The following NDUFV2 variants were observed in gnomAD, a reference collection of about 807,000 sequenced individuals.
NDUFV2 encodes NADH dehydrogenase [ubiquinone] flavoprotein 2, mitochondrial.
Under a neutral mutation model 31.6 loss-of-function variants are expected in NDUFV2, and 18 were observed. That is an observed-to-expected ratio of 0.57 (90% CI 0.39 to 0.84). The LOEUF (loss-of-function observed/expected upper bound fraction) is 0.84. Ranked by LOEUF, NDUFV2 falls within the 40% of genes least tolerant of loss-of-function variation. The pLI is 0.00. For synonymous variants in NDUFV2, 83 were observed against 99.8 expected (o/e 0.83, Z 1.01); for missense variants, 314 against 303.6 (o/e 1.03, Z -0.26).
rs1334804222 is a variant in NDUFV2 at position 9,119,579 on chromosome 18, G to A, written c.289G>A (p.Ala97Thr). 2 of 1,611,636 alleles carry A rather than the reference G, an allele frequency of 1.2e-6. No homozygotes were observed. Among genetic ancestry groups the A allele is most frequent in the Admixed American group, 3.3e-5 (2 of 59,992 alleles). Residue 97 changes from alanine (A) to threonine (T), a missense_variant, in exon 4 of 8, where the codon GCT (alanine) becomes ACT (threonine). Physicochemically the swap from Ala to Thr is moderately conservative, Grantham distance 58 (BLOSUM62 0). Coordinates refer to ENST00000318388, the MANE Select transcript of NDUFV2 (RefSeq NM_021074.5). ...GCAGAATGGGTGGTTGCCCATCTCT[G>A]CTATGAACAAGGTACTGGATTCATT... is the stretch of plus-strand genomic sequence containing the variant. ...QRQNGWLPIS[A>T]MNKVAEVLQV...
intron 7 of NDUFV2, among the ~76,000 whole-genome samples, chr18:9,129,342 C>T (rs901356063): frequency 3.9e-5 from 6 of 152,146 alleles, no homozygotes; most frequent in African/African-American, 1.4e-4. Context: ...TTGATACCTG[C>T]TTTGTCTACT....
chr18:9,124,895 C>CGT lies in NDUFV2; in HGVS notation c.491_492insGT (p.Pro165TyrfsTer9). On this transcript the variant is annotated frameshift_variant, in exon 6 of 8. Transcript: ENST00000318388. LOFTEE classifies it high-confidence loss of function. ...TTAGGAATAAAGGTTGGGGAGACTA[C>CGT]ACCTGACAAACTTTTCACTCTTATA... 1.9e-6 allele frequency: 3 copies of CGT among 1,611,814 alleles called. No homozygotes were observed. Among genetic ancestry groups the CGT allele is most frequent in the Non-Finnish European group, 2.5e-6 (3 of 1,179,242 alleles).
chr18:9,118,947 T>C (rs1255885009), intron 2 of NDUFV2, among the ~76,000 whole-genome samples: 1 of 151,800 alleles, frequency 6.6e-6, no homozygotes, highest in East Asian at 1.9e-4. Flanking sequence ...ACACATATGT[T>C]CACATTTAAA....
At chr18:9,112,937 A>G (rs2077879076) in intron 1 of NDUFV2, among the ~76,000 whole-genome samples, 1 of 152,218 alleles carries the variant, frequency 6.6e-6, no homozygotes, top group Non-Finnish European at 1.5e-5. Context: ...TGCATATATT[A>G]TATATGTTAA....
intron 5 of NDUFV2, among the ~76,000 whole-genome samples, chr18:9,123,438 C>A (rs550091622): frequency 6.6e-6 from 1 of 151,814 alleles, no homozygotes; most frequent in South Asian, 2.1e-4. Flanking sequence ...GCTTTTTAGA[C>A]TTTATTTTGG....
intron 1 of NDUFV2, among the ~76,000 whole-genome samples, chr18:9,107,854 G>A (rs144774031): frequency 2.6e-5 from 4 of 152,260 alleles, no homozygotes; most frequent in African/African-American, 9.6e-5. Flanking sequence ...GGAGGTTTAG[G>A]GGCTTTAAAG....
At chr18:9,117,161 C>G (rs1316802866) in intron 1 of NDUFV2, among the ~76,000 whole-genome samples, 1 of 152,060 alleles carries the variant, frequency 6.6e-6, no homozygotes, top group South Asian at 2.1e-4. Context: ...CTAAGCCTCC[C>G]GAGTAGCTGG....
intron 7 of NDUFV2, among the ~76,000 whole-genome samples, chr18:9,128,438 T>C (rs977708920): frequency 6.6e-6 from 1 of 152,234 alleles, no homozygotes; most frequent in African/African-American, 2.4e-5. Context: ...AAACGTATAC[T>C]GTTCTTAACA....
At chr18:9,134,104 C>A in intron 7 of NDUFV2, 82 bp from the exon 8 acceptor site, 1 of 1,010,932 alleles carries the variant, frequency 9.9e-7, no homozygotes, top group Non-Finnish European at 1.5e-6. Context: ...CTTAACTGGG[C>A]TCTTGTGAGG....
At chr18:9,123,456 T>G (rs999851843) in intron 5 of NDUFV2, among the ~76,000 whole-genome samples, 1 of 152,198 alleles carries the variant, frequency 6.6e-6, no homozygotes, top group Non-Finnish European at 1.5e-5. Flanking sequence ...TGGCTGTATT[T>G]CTACAGCACA....
intron 1 of NDUFV2, among the ~76,000 whole-genome samples, chr18:9,112,965 C>T (rs753807954): frequency 6.6e-6 from 1 of 152,104 alleles, no homozygotes; most frequent in Non-Finnish European, 1.5e-5. Flanking sequence ...TACATCCCAC[C>T]TTCTAACTTT....
intron 7 of NDUFV2, among the ~76,000 whole-genome samples, chr18:9,127,136 T>C (rs1446178703): frequency 6.6e-6 from 1 of 152,188 alleles, no homozygotes; most frequent in African/African-American, 2.4e-5. Context: ...TTACTACAAA[T>C]AGAAATCTAT....
chr18:9,114,445 CTTTTT>C (rs58160760), intron 1 of NDUFV2, among the ~76,000 whole-genome samples: 3,572 of 135,868 alleles, frequency 0.026, 77 homozygotes, highest in African/African-American at 0.054. Context: ...TTGTTTGGAT[CTTTTT>C]TTTTTTTTTT....
rs577431966 is a variant in NDUFV2 at position 9,125,040 on chromosome 18, T to A, written c.579+57T>A. On this transcript the variant is annotated intron_variant, in intron 6 of 7. Coordinates refer to ENST00000318388, the MANE Select transcript of NDUFV2 (RefSeq NM_021074.5). The stretch of plus-strand genomic sequence containing the variant: ...GTATGATGTCATATTTAAAACATTT[T>A]AAATATTTGATTTTGTGTCCTTAGA... The A allele has an allele frequency of 9.7e-6, 15 of 1,539,468 alleles. No homozygotes were observed. The East Asian group carries it at 3.3e-4, about 34-fold the overall frequency.
At chr18:9,118,043 A>G in intron 2 of NDUFV2, 140 bp downstream of exon 2, 3 of 658,624 alleles carry the variant, frequency 4.6e-6, no homozygotes, top group Non-Finnish European at 8.3e-6. Context: ...AGCTAATTGA[A>G]TTTACTACAT....
rs1024384224 is a variant in NDUFV2 at position 9,117,872 on chromosome 18, T to C, written c.89T>C (p.Met30Thr). Residue 30 changes from methionine (M) to threonine (T), a missense_variant, in exon 2 of 8, where the codon ATG (methionine) becomes ACG (threonine). Transcript: ENST00000318388. ...GTAAGGAATTTGCATAAGACAGTTA[T>C]GCAAAATGGAGCTGGAGGAGCTTTA... ...RHVRNLHKTV[M>T]QNGAGGALFV... The C allele has an allele frequency of 4.4e-6, 7 of 1,599,668 alleles. No individual in the cohort carries two copies. The East Asian group carries it at 6.7e-5, about 15-fold the overall frequency.
At position 9,134,267 on chromosome 18, in the gene NDUFV2, A is replaced by G. The variant is rs1472210121; in HGVS notation, c.738A>G (p.Gln246=). Reference sequence around the variant, plus strand: ...CCAAGGGACCTGGATTTGGTGTACAAGCAGGCCTTTAATTTATATTGAACT... The same window carrying G: ...CCAAGGGACCTGGATTTGGTGTACAGGCAGGCCTTTAATTTATATTGAACT... ...EPPKGPGFGV[Q]AGL is the part of the protein sequence containing the mutation. The change falls in exon 8 of 8, where the codon CAA becomes CAG. Residue 246 remains glutamine (Q), a synonymous_variant. Transcript: ENST00000318388. 6.2e-7 allele frequency: 1 copy of G among 1,610,984 alleles called. No individual in the cohort carries two copies. The highest frequency in any genetic ancestry group is 2.2e-5 in the East Asian group (1 of 44,850).
chr18:9,128,874 C>T (rs1316959677), intron 7 of NDUFV2, among the ~76,000 whole-genome samples: 1 of 152,062 alleles, frequency 6.6e-6, no homozygotes, highest in African/African-American at 2.4e-5. Context: ...TTAGATGGCC[C>T]CTCTCTTCTG....
At chr18:9,126,218 T>C (rs2077989458) in intron 6 of NDUFV2, among the ~76,000 whole-genome samples, 1 of 152,212 alleles carries the variant, frequency 6.6e-6, no homozygotes, top group Admixed American at 6.5e-5. Context: ...TCTTTAGGGA[T>C]AGATACTAGG....
Sources: gnomAD v4.1 joint callset for allele counts (sites outside exome capture counted in the v4.1 genomes callset) on GRCh38, gnomAD v4.1.1 for gene constraint, MANE v1.5 for transcripts, NCBI Gene and HGNC (gene_info 2026-07-23, HGNC 2026-07-21) for gene names.